UBE2E2: variants seen among roughly 807,000 people sequenced by gnomAD.
UBE2E2 encodes the protein ubiquitin-conjugating enzyme E2 E2.
Under a neutral mutation model 24.7 loss-of-function variants are expected in UBE2E2, and 6 were observed. The ratio of observed to expected loss-of-function variants is 0.24; its 90% CI spans 0.13 to 0.48. The LOEUF (loss-of-function observed/expected upper bound fraction) is 0.48, where lower values mean the gene tolerates loss of function less well. UBE2E2 is among the 20% of genes least tolerant of loss of function. UBE2E2 has a pLI of 0.99. For missense variants in UBE2E2, 169 were observed against 245.0 expected, an observed-to-expected ratio of 0.69 and a Z score of 2.07; for synonymous variants, 104 against 83.6, an observed-to-expected ratio of 1.24 and a Z score of -1.33.
At chr3:23,331,436 G>A (rs937263507) in intron 3 of UBE2E2, among the ~76,000 whole-genome samples, 2 of 150,906 alleles carry the variant, frequency 1.3e-5, no homozygotes, top group Admixed American at 6.6e-5. Context: ...ATGTCAAAAT[G>A]TAATAAATAC....
intron 3 of UBE2E2, among the ~76,000 whole-genome samples, chr3:23,437,772 C>T (rs552874288): frequency 5.9e-5 from 9 of 152,108 alleles, no homozygotes; most frequent in East Asian, 1.9e-4. Context: ...ATACTTGTAT[C>T]GTAGATTGTG....
At position 23,374,675 on chromosome 3, in the gene UBE2E2, C is replaced by T. The variant is rs183465648; in HGVS notation, c.228-124933C>T. On this transcript the variant is annotated intron_variant, in intron 3 of 5. Transcript: ENST00000396703. ...AAAATCATTATCTTCCTACTGAAAA[C>T]ACCAGCCTGCTAACTACACCACAGT... Among the ~76,000 whole-genome samples, 221 of 152,340 alleles carry T rather than the reference C, an allele frequency of 1.5e-3. 1 individual carries two copies. The highest frequency in any genetic ancestry group is 5.0e-3 in the African/African-American group (209 of 41,582).
chr3:23,387,403 G>A (rs146637478), intron 3 of UBE2E2, among the ~76,000 whole-genome samples: 1 of 152,190 alleles, frequency 6.6e-6, no homozygotes, highest in East Asian at 1.9e-4. Flanking sequence ...CTCTTTTATT[G>A]TGTCTGTAAA....
chr3:23,316,396 C>T (rs1401328760), intron 3 of UBE2E2, among the ~76,000 whole-genome samples: 1 of 151,934 alleles, frequency 6.6e-6, no homozygotes, highest in Non-Finnish European at 1.5e-5. Context: ...TCCATTGTCA[C>T]CACAGGCCCA....
chr3:23,405,563 A>G (rs1697336359), intron 3 of UBE2E2, among the ~76,000 whole-genome samples: 1 of 152,088 alleles, frequency 6.6e-6, no homozygotes, highest in African/African-American at 2.4e-5. Flanking sequence ...GATTTTCCTC[A>G]AGAATTCTAA....
At chr3:23,272,286 C>T (rs981433706) in intron 3 of UBE2E2, among the ~76,000 whole-genome samples, 37 of 151,546 alleles carry the variant, frequency 2.4e-4, no homozygotes, top group Admixed American at 1.9e-3. Flanking sequence ...CGGGGCCGGC[C>T]GGCTTCTCTG....
intron 3 of UBE2E2, among the ~76,000 whole-genome samples, chr3:23,235,819 G>C (rs1316962203): frequency 6.6e-6 from 1 of 152,122 alleles, no homozygotes; most frequent in East Asian, 1.9e-4. Flanking sequence ...TGGGAGATAA[G>C]TGGTTTGATG....
At chr3:23,204,250 C>T (rs547819320) in intron 1 of UBE2E2, among the ~76,000 whole-genome samples, 5 of 146,184 alleles carry the variant, frequency 3.4e-5, no homozygotes, top group African/African-American at 1.0e-4. Context: ...TGGCTTTTTT[C>T]CCCCACGACC....
At chr3:23,230,441 C>T (rs1696943270) in intron 3 of UBE2E2, among the ~76,000 whole-genome samples, 1 of 152,118 alleles carries the variant, frequency 6.6e-6, no homozygotes, top group Non-Finnish European at 1.5e-5. Flanking sequence ...ATTTAGAAAA[C>T]TCATAAATAA....
chr3:23,371,653 A>G (rs529147034), intron 3 of UBE2E2, among the ~76,000 whole-genome samples: 2 of 152,304 alleles, frequency 1.3e-5, no homozygotes, highest in African/African-American at 2.4e-5. Flanking sequence ...GCAATTTTCA[A>G]AAGTTACAGT....
At chr3:23,216,201 C>T (rs1377259940) in intron 2 of UBE2E2, among the ~76,000 whole-genome samples, 4 of 152,052 alleles carry the variant, frequency 2.6e-5, no homozygotes, top group African/African-American at 9.7e-5. Flanking sequence ...AACCTTGAAT[C>T]ACGTGGTTTA....
At position 23,468,529 on chromosome 3, in the gene UBE2E2, A is replaced by G. The variant is rs144284049; in HGVS notation, c.228-31079A>G. ...GGTATAGTTATACTATATCGAGTAC[A>G]ATACTAACTACCCAGTAATGGAAAT... is the stretch of plus-strand genomic sequence containing the variant. On this transcript the variant is annotated intron_variant, in intron 3 of 5. Coordinates refer to ENST00000396703, the MANE Select transcript of UBE2E2 (RefSeq NM_152653.4). Among the ~76,000 whole-genome samples, 846 of 152,356 alleles carry G rather than the reference A, an allele frequency of 5.6e-3. 11 individuals are homozygous for G. The highest frequency in any genetic ancestry group is 0.019 in the African/African-American group (787 of 41,588).
intron 3 of UBE2E2, among the ~76,000 whole-genome samples, chr3:23,381,617 C>T (rs1217989495): frequency 6.6e-6 from 1 of 152,070 alleles, no homozygotes; most frequent in Non-Finnish European, 1.5e-5. Flanking sequence ...ATCACTTATC[C>T]CCCTGAATTA....
At chr3:23,403,472 C>T (rs1003794051) in intron 3 of UBE2E2, among the ~76,000 whole-genome samples, 8 of 152,220 alleles carry the variant, frequency 5.3e-5, no homozygotes, top group Non-Finnish European at 8.8e-5. Flanking sequence ...GCTGCAGCCA[C>T]ATAACAGAAC....
At chr3:23,405,078 A>T (rs1038150374) in intron 3 of UBE2E2, among the ~76,000 whole-genome samples, 1 of 152,210 alleles carries the variant, frequency 6.6e-6, no homozygotes. Context: ...TAATCAGTGA[A>T]TTTTTGAAAA....
intron 3 of UBE2E2, among the ~76,000 whole-genome samples, chr3:23,233,416 T>G (rs1213922972): frequency 6.6e-6 from 1 of 152,206 alleles, no homozygotes; most frequent in Non-Finnish European, 1.5e-5. Context: ...ATAGAATAGA[T>G]AAATTTGCAT....
chr3:23,242,535 A>G (rs1697286394), intron 3 of UBE2E2, among the ~76,000 whole-genome samples: 1 of 152,140 alleles, frequency 6.6e-6, no homozygotes, highest in Admixed American at 6.5e-5. Flanking sequence ...TCACAGGAAT[A>G]AAAGCTTTCA....
intron 2 of UBE2E2, among the ~76,000 whole-genome samples, chr3:23,212,363 G>A (rs1048874717): frequency 2.0e-5 from 3 of 152,038 alleles, no homozygotes; most frequent in Admixed American, 6.5e-5. Context: ...TGTTATATTT[G>A]CAAGTCTGTT....
intron 3 of UBE2E2, among the ~76,000 whole-genome samples, chr3:23,389,173 G>C (rs1696879852): frequency 6.6e-6 from 1 of 152,032 alleles, no homozygotes; most frequent in African/African-American, 2.4e-5. Context: ...ATGTTTTTTT[G>C]TCATAAATAA....
Sources: allele counts gnomAD v4.1 joint callset (sites outside exome capture counted in the v4.1 genomes callset), GRCh38; gene constraint gnomAD v4.1.1; transcripts MANE v1.5; gene names NCBI Gene and HGNC (gene_info 2026-07-23, HGNC 2026-07-21).